The following DAB1 variants were observed in gnomAD, a reference collection of about 807,000 sequenced individuals.
DAB1 encodes disabled homolog 1.
DAB1 carries 15 observed loss-of-function variants against 64.6 expected under a neutral mutation model. The observed-to-expected ratio is 0.23, with a 90% CI of 0.16 to 0.36. The LOEUF (loss-of-function observed/expected upper bound fraction) is 0.36, where lower values mean the gene tolerates loss of function less well. DAB1 is among the 10% of genes least tolerant of loss of function. The probability of loss-of-function intolerance (pLI) is 1.00; values close to 1 mark genes in which losing one functional copy is unlikely to be tolerated. For synonymous variants in DAB1, 235 were observed against 251.9 expected (o/e 0.93, Z 0.64); for missense variants, 596 against 706.7 (o/e 0.84, Z 1.78).
intron 7 of DAB1, among the ~76,000 whole-genome samples, chr1:57,586,700 CA>C (rs1165960537): frequency 1.3e-5 from 2 of 151,774 alleles, no homozygotes; most frequent in Non-Finnish European, 1.5e-5. Context: ...ATTCTTCCAG[CA>C]GAGTGCATTT....
intron 9 of DAB1, among the ~76,000 whole-genome samples, chr1:57,045,081 C>T (rs1648289280): frequency 6.6e-6 from 1 of 152,108 alleles, no homozygotes; most frequent in African/African-American, 2.4e-5. Context: ...AGAATTTTCA[C>T]CTAAAGTGGG....
chr1:57,113,141 G>T (rs1356210863), intron 4 of DAB1, among the ~76,000 whole-genome samples: 1 of 152,160 alleles, frequency 6.6e-6, no homozygotes, highest in East Asian at 1.9e-4. Flanking sequence ...TCATAACCCA[G>T]CTCTGTCACT....
At chr1:58,232,983 G>C (rs1288874577) in intron 4 of DAB1, among the ~76,000 whole-genome samples, 1 of 152,140 alleles carries the variant, frequency 6.6e-6, no homozygotes, top group Admixed American at 6.5e-5. Flanking sequence ...CACACTCACT[G>C]TTTTCTTCTT....
chr1:57,324,531 T>C (rs951998887), intron 1 of DAB1, among the ~76,000 whole-genome samples: 1 of 152,124 alleles, frequency 6.6e-6, no homozygotes, highest in Non-Finnish European at 1.5e-5. Flanking sequence ...TTGGAGTCCA[T>C]AAAAAACATT....
intron 1 of DAB1, among the ~76,000 whole-genome samples, chr1:57,337,396 C>T (rs1677165915): frequency 6.6e-6 from 1 of 152,186 alleles, no homozygotes; most frequent in Non-Finnish European, 1.5e-5. Flanking sequence ...GGGCTCACCC[C>T]TGCCTTTGCA....
At chr1:57,914,345 C>CA (rs1175396257) in intron 5 of DAB1, among the ~76,000 whole-genome samples, 1 of 148,228 alleles carries the variant, frequency 6.7e-6, no homozygotes, top group Non-Finnish European at 1.5e-5. Context: ...ACCACAAGGA[C>CA]AAAAAACCAA....
At chr1:57,687,175 T>G (rs1262178269) in intron 6 of DAB1, among the ~76,000 whole-genome samples, 2 of 152,226 alleles carry the variant, frequency 1.3e-5, no homozygotes, top group East Asian at 3.8e-4. Context: ...CTACTAGAAC[T>G]GATAATTGAC....
At position 57,515,629 on chromosome 1, in the gene DAB1, CT is replaced by C. The variant is rs151143883; in HGVS notation, n.625+133962del. ...AACTGGATAGTCAACCAGATTGCTG[CT>C]GGGAGGTGTCTGCCCCTGGGCTACC... On this transcript the variant is annotated intron_variant and non_coding_transcript_variant, in intron 7 of 20. Transcript: ENST00000485760. Among the ~76,000 whole-genome samples the C allele has an allele frequency of 7.1e-3, 1,077 of 152,314 alleles. 17 individuals are homozygous for C. Among genetic ancestry groups the C allele is most frequent in the African/African-American group, 0.025 (1,027 of 41,586 alleles).
chr1:58,412,647 CTT>C (rs1352239221), intron 3 of DAB1, among the ~76,000 whole-genome samples: 1 of 152,178 alleles, frequency 6.6e-6, no homozygotes, highest in East Asian at 1.9e-4. Context: ...AAGGGAAACT[CTT>C]TGTAAGAAGC....
At chr1:57,967,065 A>G (rs140274717) in intron 5 of DAB1, among the ~76,000 whole-genome samples, 2 of 152,314 alleles carry the variant, frequency 1.3e-5, no homozygotes, top group Non-Finnish European at 2.9e-5. Context: ...ATGCATACAC[A>G]CACACACAAG....
intron 4 of DAB1, among the ~76,000 whole-genome samples, chr1:58,191,169 A>G (rs1657369460): frequency 1.3e-5 from 2 of 152,254 alleles, no homozygotes; most frequent in Admixed American, 6.5e-5. Flanking sequence ...AGATCTTCTT[A>G]GCCAGAGTTT....
intron 4 of DAB1, among the ~76,000 whole-genome samples, chr1:58,177,146 C>A (rs1016062232): frequency 6.6e-6 from 1 of 151,912 alleles, no homozygotes; most frequent in African/African-American, 2.4e-5. Context: ...AGTAACTAGC[C>A]CAGAATCACA....
At chr1:58,486,059 CT>C (rs781690517) in intron 3 of DAB1, among the ~76,000 whole-genome samples, 5 of 152,222 alleles carry the variant, frequency 3.3e-5, no homozygotes, top group African/African-American at 4.8e-5. Flanking sequence ...TGTTCACTTT[CT>C]ATGTGCCTTT....
chr1:57,302,185 A>G (rs1673717594), intron 1 of DAB1, among the ~76,000 whole-genome samples: 1 of 152,152 alleles, frequency 6.6e-6, no homozygotes, highest in Non-Finnish European at 1.5e-5. Flanking sequence ...CTGACAAAAA[A>G]GCACACGCAA....
intron 4 of DAB1, among the ~76,000 whole-genome samples, chr1:58,170,465 C>G (rs1168433223): frequency 2.6e-5 from 4 of 152,046 alleles, no homozygotes; most frequent in Admixed American, 2.6e-4. Context: ...CAAAGGCGAG[C>G]CCTGGGCCCT....
intron 7 of DAB1, among the ~76,000 whole-genome samples, chr1:57,460,541 T>C (rs181404889): frequency 6.6e-6 from 1 of 152,334 alleles, no homozygotes; most frequent in East Asian, 1.9e-4. Context: ...GTAGTTTGCC[T>C]GATGCATCTG....
chr1:57,237,337 T>C (rs1668167514), intron 2 of DAB1, among the ~76,000 whole-genome samples: 1 of 152,174 alleles, frequency 6.6e-6, no homozygotes, highest in South Asian at 2.1e-4. Context: ...GCTTTACAAT[T>C]AAACACAAAC....
chr1:58,075,680 T>C (rs1440647584), intron 5 of DAB1, among the ~76,000 whole-genome samples: 2 of 152,198 alleles, frequency 1.3e-5, no homozygotes, highest in Non-Finnish European at 2.9e-5. Context: ...TCCTCAGAAT[T>C]CAAGGTCACA....
chr1:58,194,543 T>C (rs60938574), intron 4 of DAB1, among the ~76,000 whole-genome samples: 1,828 of 152,314 alleles, frequency 0.012, 48 homozygotes, highest in African/African-American at 0.042. Context: ...TTTGTAGTGC[T>C]TTTCAAGATA....
Sources: allele counts gnomAD v4.1 joint callset (sites outside exome capture counted in the v4.1 genomes callset), GRCh38; gene constraint gnomAD v4.1.1; transcripts MANE v1.5; gene names NCBI Gene and HGNC (gene_info 2026-07-23, HGNC 2026-07-21).